ATRNL1: variants seen among roughly 807,000 people sequenced by gnomAD.
ATRNL1 encodes attractin like 1.
Under a neutral mutation model 182.7 loss-of-function variants are expected in ATRNL1, and 95 were observed. The observed-to-expected ratio is 0.52, with a 90% CI of 0.44 to 0.62. The LOEUF (loss-of-function observed/expected upper bound fraction) is 0.62. ATRNL1 is among the 20% of genes least tolerant of loss of function. ATRNL1 has a pLI of 0.00. For missense variants in ATRNL1, 1,471 were observed against 1,679.5 expected, an observed-to-expected ratio of 0.88 and a Z score of 2.17; for synonymous variants, 576 against 568.3, an observed-to-expected ratio of 1.01 and a Z score of -0.19.
At chr10:115,940,695 C>CTCTCTT (rs1953704810) in intron 28 of ATRNL1, among the ~76,000 whole-genome samples, 1 of 59,258 alleles carries the variant, frequency 1.7e-5, no homozygotes, top group South Asian at 4.2e-4. Flanking sequence ...CTCTCTCTCT[C>CTCTCTT]TCTTCTCTCT....
At chr10:115,210,479 T>G (rs1190036122) in intron 8 of ATRNL1, among the ~76,000 whole-genome samples, 1 of 151,906 alleles carries the variant, frequency 6.6e-6, no homozygotes. Flanking sequence ...CACACATACC[T>G]CCTTTCTACC....
chr10:115,525,399 T>C (rs1554986306), intron 25 of ATRNL1, among the ~76,000 whole-genome samples: 1 of 152,216 alleles, frequency 6.6e-6, no homozygotes, highest in Admixed American at 6.5e-5. Context: ...TGGGTCTCCA[T>C]CTTTTTATGG....
At chr10:115,755,248 G>A (rs1379700991) in intron 27 of ATRNL1, among the ~76,000 whole-genome samples, 1 of 151,982 alleles carries the variant, frequency 6.6e-6, no homozygotes, top group African/African-American at 2.4e-5. Flanking sequence ...TTCTTGTGCT[G>A]GTTTTCAAAG....
At chr10:115,762,301 CTT>C (rs1948752418) in intron 27 of ATRNL1, among the ~76,000 whole-genome samples, 3 of 152,032 alleles carry the variant, frequency 2.0e-5, no homozygotes, top group Non-Finnish European at 2.9e-5. Flanking sequence ...CTGATGACTT[CTT>C]CAGAAAGCCT....
chr10:115,592,451 C>T (rs180710729), intron 26 of ATRNL1, among the ~76,000 whole-genome samples: 1 of 152,338 alleles, frequency 6.6e-6, no homozygotes, highest in Admixed American at 6.5e-5. Context: ...AACTCTACAA[C>T]TGTCACTCCA....
chr10:115,265,989 G>A (rs2133882049), intron 11 of ATRNL1, among the ~76,000 whole-genome samples: 1 of 151,820 alleles, frequency 6.6e-6, no homozygotes, highest in South Asian at 2.1e-4. Flanking sequence ...TAACCACAAT[G>A]AAACTGTGTA....
At chr10:115,813,379 G>T (rs1950092426) in intron 27 of ATRNL1, among the ~76,000 whole-genome samples, 1 of 152,096 alleles carries the variant, frequency 6.6e-6, no homozygotes, top group South Asian at 2.1e-4. Flanking sequence ...CCAAAGAGGG[G>T]TCTATTTCCT....
chr10:115,923,539 G>A (rs142613643), intron 28 of ATRNL1, among the ~76,000 whole-genome samples: 1,852 of 152,214 alleles, frequency 0.012, 49 homozygotes, highest in African/African-American at 0.043. Flanking sequence ...TTAGTTTGCT[G>A]AGGATGATGG....
At chr10:115,094,428 G>A (rs1592087428) in intron 1 of ATRNL1, among the ~76,000 whole-genome samples, 2 of 152,196 alleles carry the variant, frequency 1.3e-5, no homozygotes, top group African/African-American at 2.4e-5. Flanking sequence ...TGAAATACAT[G>A]CGCATTGTGA....
intron 26 of ATRNL1, among the ~76,000 whole-genome samples, chr10:115,723,082 G>C (rs1555058357): frequency 6.6e-6 from 1 of 152,078 alleles, no homozygotes; most frequent in East Asian, 1.9e-4. Context: ...TGTGGGGAAT[G>C]AAAAACAAAA....
chr10:115,098,972 A>C (rs1327008420), intron 1 of ATRNL1, among the ~76,000 whole-genome samples: 1 of 152,262 alleles, frequency 6.6e-6, no homozygotes, highest in Non-Finnish European at 1.5e-5. Context: ...TAAATTATAC[A>C]ATTTGATAAG....
rs529325851 is a variant in ATRNL1 at position 115,937,196 on chromosome 10, A to G, written c.4019-7462A>G. Among the ~76,000 whole-genome samples the G allele has an allele frequency of 1.4e-3, 216 of 152,324 alleles. 1 individual carries two copies. Among genetic ancestry groups the G allele is most frequent in the African/African-American group, 5.1e-3 (210 of 41,580 alleles). On this transcript the variant is annotated intron_variant, in intron 28 of 28. Transcript: ENST00000355044. ...CGTGAGGTGTCTGTGGTGCTGGAGT[A>G]GGATAACATTTTCTATAACTTGAGC...
chr10:115,851,131 T>TA lies in ATRNL1; in HGVS notation c.4018+3141dup, dbSNP rs71010053. Among the ~76,000 whole-genome samples, 6 of 152,054 alleles carry TA rather than the reference T, an allele frequency of 3.9e-5. No individual in the cohort carries two copies. The East Asian group carries it at 5.8e-4, about 15-fold the overall frequency. Reference sequence around the variant, plus strand: ...ATGTAGCTTACTAAAATTTTTTTTTTATCAGGCTCCTTGTTTGAAATGTAA... The same window carrying TA: ...ATGTAGCTTACTAAAATTTTTTTTTTAATCAGGCTCCTTGTTTGAAATGTAA... On this transcript the variant is annotated intron_variant, in intron 28 of 28. Transcript: ENST00000355044.
intron 26 of ATRNL1, among the ~76,000 whole-genome samples, chr10:115,591,990 C>T (rs1855937244): frequency 6.6e-6 from 1 of 152,140 alleles, no homozygotes; most frequent in South Asian, 2.1e-4. Context: ...ACTATGCAGC[C>T]ATAAAAGAGA....
At chr10:115,169,859 T>G (rs1050307510) in intron 7 of ATRNL1, among the ~76,000 whole-genome samples, 5 of 152,142 alleles carry the variant, frequency 3.3e-5, no homozygotes, top group African/African-American at 1.2e-4. Context: ...TTGGACTTCC[T>G]TTATTAAATT....
intron 27 of ATRNL1, among the ~76,000 whole-genome samples, chr10:115,783,671 A>G (rs2134194612): frequency 6.6e-6 from 1 of 152,328 alleles, no homozygotes; most frequent in Non-Finnish European, 1.5e-5. Context: ...AGTGAATTAC[A>G]GGAGATCAGC....
intron 19 of ATRNL1, among the ~76,000 whole-genome samples, chr10:115,352,265 G>A (rs1554941644): frequency 6.6e-6 from 1 of 150,792 alleles, no homozygotes; most frequent in African/African-American, 2.4e-5. Flanking sequence ...TTCTCCTTTT[G>A]TTGATCTTTT....
chr10:115,752,996 A>T (rs1345709324), intron 27 of ATRNL1, among the ~76,000 whole-genome samples: 3 of 152,030 alleles, frequency 2.0e-5, no homozygotes, highest in Admixed American at 6.6e-5. Context: ...CCCTTCTACC[A>T]TGTAATAGTG....
chr10:115,287,924 G>GC (rs1852702103), intron 15 of ATRNL1, among the ~76,000 whole-genome samples: 1 of 91,020 alleles, frequency 1.1e-5, no homozygotes, highest in Non-Finnish European at 2.2e-5. Flanking sequence ...AAGATCAACT[G>GC]TTTTTTTTTT....
Sources: gnomAD v4.1 joint callset for allele counts (sites outside exome capture counted in the v4.1 genomes callset) on GRCh38, gnomAD v4.1.1 for gene constraint, MANE v1.5 for transcripts, NCBI Gene and HGNC (gene_info 2026-07-23, HGNC 2026-07-21) for gene names.